The following TBC1D2 variants were observed in gnomAD, a reference collection of about 807,000 sequenced individuals.
TBC1D2 encodes TBC1 domain family member 2.
In TBC1D2, 58 loss-of-function variants were observed where a neutral mutation model predicts 91.1. The observed-to-expected ratio is 0.64, with a 90% confidence interval of 0.52 to 0.79. The LOEUF is 0.79. TBC1D2 is among the 30% of genes least tolerant of loss of function. TBC1D2 has a pLI of 0.00. For synonymous variants in TBC1D2, 482 were observed against 511.5 expected, an observed-to-expected ratio of 0.94 and a Z score of 0.78; for missense variants, 1,080 against 1,208.3, an observed-to-expected ratio of 0.89 and a Z score of 1.57.
intron 1 of TBC1D2, among the ~76,000 whole-genome samples, chr9:98,252,683 C>T (rs1381989381): frequency 6.6e-6 from 1 of 152,194 alleles, no homozygotes; most frequent in Non-Finnish European, 1.5e-5. Flanking sequence ...TAGAACTAGT[C>T]CCATAACCCT....
chr9:98,236,527 C>A (rs1588056800), intron 3 of TBC1D2, among the ~76,000 whole-genome samples: 1 of 152,198 alleles, frequency 6.6e-6, no homozygotes, highest in Middle Eastern at 3.4e-3. Context: ...CTGGTCTGGG[C>A]CAGATTTTTA....
At chr9:98,212,020 A>G (rs1828855609) in intron 7 of TBC1D2, among the ~76,000 whole-genome samples, 2 of 150,598 alleles carry the variant, frequency 1.3e-5, no homozygotes, top group South Asian at 2.1e-4. Flanking sequence ...CTGGTCTTGA[A>G]CTCTAGCCCC....
At chr9:98,241,426 A>G (rs1461066171) in intron 3 of TBC1D2, among the ~76,000 whole-genome samples, 2 of 152,210 alleles carry the variant, frequency 1.3e-5, no homozygotes, top group African/African-American at 4.8e-5. Flanking sequence ...GACCAGCCAG[A>G]GCACAAGGGT....
In TBC1D2 at chr9:98,255,237, C is replaced by T. The variant is rs550202423; in HGVS notation, c.305G>A (p.Cys102Tyr). ...SIDLSSAVFD[C>Y]KADAEEGIFE... ...GATCCCCTCCTCAGCGTCCGCCTTA[C>T]AGTCAAACACTGCACTGGAGAGGTC... The change falls in exon 1 of 13, where the codon TGT becomes TAT. Residue 102 changes from cysteine (C) to tyrosine (Y), a missense_variant. By Grantham distance (194) the Cys-to-Tyr change is radical. Coordinates refer to ENST00000465784, the MANE Select transcript of TBC1D2 (RefSeq NM_001267571.2). 1 of 1,613,968 alleles carries T rather than the reference C, an allele frequency of 6.2e-7. No individual in the cohort carries two copies. The highest frequency in any genetic ancestry group is 1.3e-5 in the African/African-American group (1 of 75,070).
At chr9:98,231,356 T>C (rs747319255) in intron 4 of TBC1D2, among the ~76,000 whole-genome samples, 10 of 151,008 alleles carry the variant, frequency 6.6e-5, no homozygotes, top group Non-Finnish European at 1.2e-4. Flanking sequence ...TTTTTATTAG[T>C]GTTCAAGAAA....
At chr9:98,213,529 C>T in intron 6 of TBC1D2, 1 of 624,028 alleles carries the variant, frequency 1.6e-6, no homozygotes, top group Non-Finnish European at 2.2e-6. Context: ...GGGGCAAATA[C>T]CAACTAACCT....
intron 4 of TBC1D2, 96 bp from the exon 5 acceptor site, chr9:98,229,244 T>A: frequency 8.6e-7 from 1 of 1,157,226 alleles, no homozygotes. Flanking sequence ...CTTGTTAAAA[T>A]GCGGATGGTT....
intron 3 of TBC1D2, among the ~76,000 whole-genome samples, chr9:98,239,127 T>C (rs752380441): frequency 6.6e-5 from 10 of 152,176 alleles, no homozygotes; most frequent in African/African-American, 9.7e-5. Context: ...GGCATGCTCA[T>C]AGCTTACTGC....
At chr9:98,252,870 C>G (rs1233154852) in intron 1 of TBC1D2, among the ~76,000 whole-genome samples, 1 of 152,160 alleles carries the variant, frequency 6.6e-6, no homozygotes, top group Non-Finnish European at 1.5e-5. Flanking sequence ...GCAACAGAGG[C>G]AAACTCCCTA....
intron 3 of TBC1D2, among the ~76,000 whole-genome samples, chr9:98,242,491 A>C (rs955334273): frequency 2.2e-4 from 33 of 152,082 alleles, no homozygotes; most frequent in African/African-American, 7.5e-4. Flanking sequence ...GAAACGCCCA[A>C]ACAGGATCAC....
intron 5 of TBC1D2, among the ~76,000 whole-genome samples, chr9:98,222,541 A>G (rs549472340): frequency 6.6e-6 from 1 of 152,346 alleles, no homozygotes; most frequent in African/African-American, 2.4e-5. Flanking sequence ...AGGTCTGCTC[A>G]GCTCCCTGTG....
chr9:98,223,723 C>G (rs182804657), intron 5 of TBC1D2, among the ~76,000 whole-genome samples: 2 of 152,300 alleles, frequency 1.3e-5, no homozygotes, highest in African/African-American at 4.8e-5. Context: ...GACTGAGACA[C>G]CAGCCCAGGA....
At position 98,201,841 on chromosome 9, in the gene TBC1D2, A is replaced by G. The variant is rs548368127; in HGVS notation, c.2272-177T>C. Among the ~76,000 whole-genome samples the G allele has an allele frequency of 1.2e-3, 185 of 152,286 alleles. 1 individual carries two copies. The highest frequency in any genetic ancestry group is 4.2e-3 in the African/African-American group (175 of 41,572). ...GGGCCAGTCTAGCTGGGAGTCAGGTACAGCATCATATCACTCCGCTGCTCC... is the reference window on the plus strand; with the variant it reads ...GGGCCAGTCTAGCTGGGAGTCAGGTGCAGCATCATATCACTCCGCTGCTCC... On this transcript the variant is annotated intron_variant, in intron 10 of 12. Transcript: ENST00000465784.
chr9:98,232,429 C>T (rs946072226), intron 4 of TBC1D2, among the ~76,000 whole-genome samples: 2 of 150,560 alleles, frequency 1.3e-5, no homozygotes, highest in Non-Finnish European at 2.9e-5. Context: ...AAGTGATCCT[C>T]CCAGCTGAGC....
At chr9:98,241,905 G>T (rs1475337847) in intron 3 of TBC1D2, among the ~76,000 whole-genome samples, 1 of 151,376 alleles carries the variant, frequency 6.6e-6, no homozygotes, top group Non-Finnish European at 1.5e-5. Context: ...AATGCCTGTG[G>T]GGGAGCTCTA....
intron 3 of TBC1D2, among the ~76,000 whole-genome samples, chr9:98,236,790 T>C (rs899249901): frequency 2.6e-5 from 4 of 152,220 alleles, no homozygotes; most frequent in African/African-American, 4.8e-5. Context: ...ATCAATGTTG[T>C]TGGTTCTTTA....
At chr9:98,211,800 C>CTTT (rs112631510) in intron 7 of TBC1D2, among the ~76,000 whole-genome samples, 2 of 144,288 alleles carry the variant, frequency 1.4e-5, no homozygotes, top group East Asian at 2.0e-4. Context: ...TCAGGGATTC[C>CTTT]TTTTTTTTTT....
At chr9:98,244,180 A>C in intron 2 of TBC1D2, 51 bp from the exon 3 acceptor site, 1 of 1,604,856 alleles carries the variant, frequency 6.2e-7, no homozygotes, top group Non-Finnish European at 8.5e-7. Context: ...GCACTTGGAA[A>C]GACAGGTCAG....
At position 98,229,085 on chromosome 9, in the gene TBC1D2, T is replaced by C; in HGVS notation, c.845A>G (p.Gln282Arg). Residue 282 changes from glutamine (Q) to arginine (R), a missense_variant, in exon 5 of 13, where the codon CAG becomes CGG. Gln to Arg is a conservative substitution (Grantham distance 43). Transcript: ENST00000465784. ...GGTGTTGTTCTGGCGCTTGGCTTTC[T>C]GAGCGAAACTGATGGTCAGAGAAGG... is the stretch of plus-strand genomic sequence containing the variant. ...PKPSLTISFAQKAKRQNNTFP... is the reference protein window; with the variant it reads ...PKPSLTISFARKAKRQNNTFP... 6.2e-7 allele frequency: 1 copy of C among 1,614,268 alleles called. No individual in the cohort carries two copies. Among genetic ancestry groups the C allele is most frequent in the Non-Finnish European group, 8.5e-7 (1 of 1,180,046 alleles).
Sources: allele counts gnomAD v4.1 joint callset (sites outside exome capture counted in the v4.1 genomes callset), GRCh38; gene constraint gnomAD v4.1.1; transcripts MANE v1.5; gene names NCBI Gene and HGNC (gene_info 2026-07-23, HGNC 2026-07-21).